Variants in NKAIN2 observed in about 807,000 individuals in gnomAD.
NKAIN2 encodes the protein sodium/potassium transporting ATPase interacting 2, also known as sodium/potassium-transporting ATPase subunit beta-1-interacting protein 2.
In NKAIN2, 14 loss-of-function variants were observed where a neutral mutation model predicts 32.6. That is an observed-to-expected ratio of 0.43 (90% CI 0.28 to 0.67). The LOEUF (loss-of-function observed/expected upper bound fraction) is 0.67, where lower values mean the gene tolerates loss of function less well. Among genes scored for constraint, NKAIN2 ranks in the 30% least tolerant of loss-of-function variants. The probability of loss-of-function intolerance (pLI) is 0.17; values close to 1 mark genes in which losing one functional copy is unlikely to be tolerated. For missense variants in NKAIN2, 198 were observed against 258.3 expected (o/e 0.77, Z 1.60); for synonymous variants, 80 against 87.2 (o/e 0.92, Z 0.46).
At chr6:124,366,867 G>T (rs1360311703) in intron 3 of NKAIN2, among the ~76,000 whole-genome samples, 2 of 151,432 alleles carry the variant, frequency 1.3e-5, no homozygotes, top group African/African-American at 2.4e-5. Context: ...GGTAGAGGCT[G>T]CAGTAAGCTG....
chr6:124,732,386 A>G (rs572255778), intron 4 of NKAIN2, among the ~76,000 whole-genome samples: 2 of 152,206 alleles, frequency 1.3e-5, no homozygotes, highest in South Asian at 4.1e-4. Flanking sequence ...GCAAAGGCTA[A>G]GGCTAAGAGG....
chr6:123,870,789 T>C (rs75179994), intron 1 of NKAIN2, among the ~76,000 whole-genome samples: 1 of 152,280 alleles, frequency 6.6e-6, no homozygotes, highest in East Asian at 1.9e-4. Flanking sequence ...GGCAAATACA[T>C]GTTGAGTGCT....
intron 1 of NKAIN2, among the ~76,000 whole-genome samples, chr6:124,073,560 G>A (rs964782796): frequency 6.6e-5 from 10 of 152,154 alleles, no homozygotes; most frequent in African/African-American, 2.4e-4. Flanking sequence ...TGAGAGCCAT[G>A]ATTGAGACTC....
chr6:124,319,707 C>T (rs568408038), intron 2 of NKAIN2, among the ~76,000 whole-genome samples: 65 of 152,116 alleles, frequency 4.3e-4, no homozygotes, highest in African/African-American at 1.4e-3. Flanking sequence ...TTTTAAATTT[C>T]CTGCCCTTTA....
At chr6:124,674,357 C>T (rs1027518822) in intron 4 of NKAIN2, among the ~76,000 whole-genome samples, 1 of 151,782 alleles carries the variant, frequency 6.6e-6, no homozygotes, top group Non-Finnish European at 1.5e-5. Flanking sequence ...TTTTTGGTTC[C>T]ATATGACTAT....
chr6:124,700,896 A>G, intron 4 of NKAIN2, among the ~76,000 whole-genome samples: 1 of 150,556 alleles, frequency 6.6e-6, no homozygotes, highest in South Asian at 2.1e-4. Flanking sequence ...ACACACACAC[A>G]CACTCTCTCA....
intron 1 of NKAIN2, among the ~76,000 whole-genome samples, chr6:123,849,232 A>G (rs968292663): frequency 7.9e-5 from 12 of 152,246 alleles, no homozygotes; most frequent in African/African-American, 2.9e-4. Context: ...TTTTAGTTAT[A>G]ATAGAATTAA....
At chr6:124,779,309 AGGG>A (rs1779142288) in intron 4 of NKAIN2, among the ~76,000 whole-genome samples, 39 of 52,108 alleles carry the variant, frequency 7.5e-4, no homozygotes, top group Admixed American at 9.8e-4. Flanking sequence ...GGAGGGAGGG[AGGG>A]AGGGAGGGAA....
intron 1 of NKAIN2, among the ~76,000 whole-genome samples, chr6:123,919,995 T>G (rs1241791895): frequency 6.6e-6 from 1 of 151,978 alleles, no homozygotes; most frequent in East Asian, 1.9e-4. Flanking sequence ...GAAAATAGAG[T>G]AAAAGAAACA....
At chr6:124,185,380 T>C (rs1320767003) in intron 1 of NKAIN2, among the ~76,000 whole-genome samples, 1 of 152,110 alleles carries the variant, frequency 6.6e-6, no homozygotes. Context: ...GTGTGTCAGC[T>C]ACAAAGCCCT....
chr6:123,931,294 C>T (rs939223492), intron 1 of NKAIN2, among the ~76,000 whole-genome samples: 2 of 152,130 alleles, frequency 1.3e-5, no homozygotes, highest in African/African-American at 4.8e-5. Flanking sequence ...GTATTTAATT[C>T]TTGGTCCCTT....
chr6:124,670,705 A>G (rs1345473634), intron 4 of NKAIN2, among the ~76,000 whole-genome samples: 3 of 147,300 alleles, frequency 2.0e-5, no homozygotes, highest in Non-Finnish European at 4.5e-5. Context: ...TTTCTTTTAT[A>G]TCCCATATGC....
chr6:123,865,087 A>T (rs9482476), intron 1 of NKAIN2, among the ~76,000 whole-genome samples: 3,241 of 152,244 alleles, frequency 0.021, 107 homozygotes, highest in African/African-American at 0.073. Context: ...TAGTAAAAAA[A>T]GAAGAAAGTA....
intron 4 of NKAIN2, among the ~76,000 whole-genome samples, chr6:124,758,986 A>G (rs530301658): frequency 1.3e-5 from 2 of 152,290 alleles, no homozygotes; most frequent in East Asian, 1.9e-4. Flanking sequence ...ATTGCCTACT[A>G]TAACAATAAC....
At chr6:124,780,226 C>T (rs1029181070) in intron 4 of NKAIN2, among the ~76,000 whole-genome samples, 24 of 151,958 alleles carry the variant, frequency 1.6e-4, no homozygotes, top group Admixed American at 3.9e-4. Context: ...AAGGAACTTT[C>T]GGGGGTAGTA....
At chr6:124,240,697 C>G (rs552675972) in intron 1 of NKAIN2, among the ~76,000 whole-genome samples, 7 of 152,166 alleles carry the variant, frequency 4.6e-5, no homozygotes, top group African/African-American at 9.6e-5. Flanking sequence ...ATTAAACACC[C>G]CTTCATGCTA....
At chr6:123,925,375 A>G (rs1293264182) in intron 1 of NKAIN2, among the ~76,000 whole-genome samples, 1 of 152,176 alleles carries the variant, frequency 6.6e-6, no homozygotes, top group African/African-American at 2.4e-5. Context: ...GAAATGTCCA[A>G]GGGCTATAAA....
intron 1 of NKAIN2, among the ~76,000 whole-genome samples, chr6:123,827,735 A>C (rs995238128): frequency 3.3e-5 from 5 of 152,136 alleles, no homozygotes; most frequent in African/African-American, 1.2e-4. Flanking sequence ...AGTTGTTTCA[A>C]ATTTTGAAAA....
intron 4 of NKAIN2, among the ~76,000 whole-genome samples, chr6:124,724,240 C>A (rs1024802395): frequency 4.6e-5 from 7 of 151,828 alleles, no homozygotes; most frequent in African/African-American, 9.7e-5. Context: ...ATTTCCTGAC[C>A]AAAAGCAACC....
Sources: allele counts gnomAD v4.1 joint callset (sites outside exome capture counted in the v4.1 genomes callset), GRCh38; gene constraint gnomAD v4.1.1; transcripts MANE v1.5; gene names NCBI Gene and HGNC (gene_info 2026-07-23, HGNC 2026-07-21).